Variants in RNFT2 observed in about 807,000 individuals in gnomAD.
RNFT2 encodes E3 ubiquitin-protein ligase RNFT2.
A neutral mutation model predicts 53.0 loss-of-function variants in RNFT2; 36 were observed. The observed-to-expected ratio is 0.68, with a 90% CI of 0.52 to 0.90. The LOEUF is 0.90. Ranked by LOEUF, RNFT2 falls within the 40% of genes least tolerant of loss-of-function variation. RNFT2 has a pLI of 0.00. For synonymous variants in RNFT2, 260 were observed against 253.2 expected (o/e 1.03, Z -0.26); for missense variants, 514 against 585.6 (o/e 0.88, Z 1.26).
chr12:116,820,997 C>T (rs1296556891), intron 7 of RNFT2, among the ~76,000 whole-genome samples: 1 of 152,068 alleles, frequency 6.6e-6, no homozygotes, highest in African/African-American at 2.4e-5. Context: ...TGTGTTTGAG[C>T]TTTCTCATCT....
Position 116,849,664 on chromosome 12 carries a change from A to T in RNFT2, c.*216A>T. ...AGTGCGTGCCTCCTTCCCCTGCAAA[A>T]GGGGACGTCTTCCTAACTCAGACTT... On this transcript the variant is annotated 3_prime_UTR_variant, in exon 11 of 11. Transcript: ENST00000257575. The T allele has an allele frequency of 7.8e-7, 1 of 1,273,890 alleles. No individual in the cohort carries two copies. Among genetic ancestry groups the T allele is most frequent in the South Asian group, 3.1e-5 (1 of 32,038 alleles). The allele number at this position is 1,273,890 out of a possible 1,614,324, so 78.9% of individuals were successfully genotyped here.
At chr12:116,821,643 G>A (rs567223665) in intron 7 of RNFT2, among the ~76,000 whole-genome samples, 2 of 152,288 alleles carry the variant, frequency 1.3e-5, no homozygotes, top group African/African-American at 4.8e-5. Flanking sequence ...AGTCTCGCAG[G>A]AGGCTGAGGG....
chr12:116,825,096 T>A (rs974868655), intron 7 of RNFT2, among the ~76,000 whole-genome samples: 1 of 152,204 alleles, frequency 6.6e-6, no homozygotes, highest in African/African-American at 2.4e-5. Flanking sequence ...ATGCGTCAGC[T>A]GCAATGGCAG....
At chr12:116,828,343 G>A (rs1258959387) in intron 7 of RNFT2, among the ~76,000 whole-genome samples, 1 of 152,176 alleles carries the variant, frequency 6.6e-6, no homozygotes, top group Non-Finnish European at 1.5e-5. Context: ...TTTCTAACCA[G>A]CTCCCAGGCG....
At chr12:116,740,600 C>A in intron 2 of RNFT2, 79 bp downstream of exon 2, 1 of 1,249,062 alleles carries the variant, frequency 8.0e-7, no homozygotes, top group Non-Finnish European at 1.1e-6. Context: ...TTTGGTTTGA[C>A]CACTCCACCC....
At position 116,743,226 on chromosome 12, in the gene RNFT2, AAAAAAAAAAAAAAAAAAAC is replaced by A. The variant is rs1365027865; in HGVS notation, c.83+2133_83+2151del. Among the ~76,000 whole-genome samples, 48 of 116,080 alleles carry A rather than the reference AAAAAAAAAAAAAAAAAAAC, an allele frequency of 4.1e-4. 1 individual carries two copies. Among genetic ancestry groups the A allele is most frequent in the Non-Finnish European group, 5.6e-4 (32 of 56,712 alleles). 76.2% of individuals were successfully genotyped at this position (116,080 alleles called of 152,430 possible). A position where few individuals can be genotyped will look rare whatever the true frequency, so the allele number is the denominator to read the frequency against. On this transcript the variant is annotated intron_variant, in intron 3 of 10. Transcript: ENST00000257575. Reference sequence around the variant, plus strand: ...CCAGGTAGAATCTAAAAAAAAAAAAAAAAAAAAAAAAAAAAAAACCGGTTAAAAAACACTCATGAGCTAG... The same window carrying A: ...CCAGGTAGAATCTAAAAAAAAAAAAACGGTTAAAAAACACTCATGAGCTAG...
rs1385115495 is a variant in RNFT2 at position 116,753,365 on chromosome 12, GGT to G, written c.551-618_551-617del. Among the ~76,000 whole-genome samples, 3 of 151,862 alleles carry G rather than the reference GGT, an allele frequency of 2.0e-5. No homozygotes were observed. In the East Asian group the frequency reaches 5.8e-4, roughly 29 times the overall value. On this transcript the variant is annotated intron_variant, in intron 4 of 10. Transcript: ENST00000257575. Reference sequence around the variant, plus strand: ...GTGATTTCACCATGTTGGCCAGGCTGGTCTCAAACTCCTGGCCTCAAGTGATC... The same window carrying G: ...GTGATTTCACCATGTTGGCCAGGCTGCTCAAACTCCTGGCCTCAAGTGATC...
At position 116,849,360 on chromosome 12, in the gene RNFT2, G is replaced by A. The variant is rs571206253; in HGVS notation, c.1247G>A (p.Arg416His). ...ECLCLWLDRE[R>H]TCPLCRSVAV... ...CTCTGCCTGTGGCTGGACCGTGAGCGCACCTGCCCGCTCTGCCGCTCGGTC... is the reference window on the plus strand; with the variant it reads ...CTCTGCCTGTGGCTGGACCGTGAGCACACCTGCCCGCTCTGCCGCTCGGTC... The change falls in exon 11 of 11, where the codon CGC (arginine) becomes CAC (histidine). Residue 416 changes from arginine to histidine, a missense_variant. Arg to His is a conservative substitution (Grantham distance 29, BLOSUM62 0). Transcript: ENST00000257575. The A allele has an allele frequency of 1.6e-5, 25 of 1,547,368 alleles. No individual in the cohort carries two copies. The South Asian group carries it at 2.1e-4, about 13-fold the overall frequency.
chr12:116,851,874 T>C lies in RNFT2; in HGVS notation c.*2426T>C. ...CTTTATGTCTTTCTCCTCTTCCTATTCTGTCATCTCCCTCACTTAAGTCTC... is the reference window on the plus strand; with the variant it reads ...CTTTATGTCTTTCTCCTCTTCCTATCCTGTCATCTCCCTCACTTAAGTCTC... On this transcript the variant is annotated 3_prime_UTR_variant, in exon 11 of 11. Transcript: ENST00000257575. 2 of 1,533,978 alleles carry C rather than the reference T, an allele frequency of 1.3e-6. No individual in the cohort carries two copies. The highest frequency in any genetic ancestry group is 1.7e-6 in the Non-Finnish European group (2 of 1,144,654).
chr12:116,787,950 G>A (rs1025446906), intron 7 of RNFT2, among the ~76,000 whole-genome samples: 2 of 152,056 alleles, frequency 1.3e-5, no homozygotes, highest in African/African-American at 4.8e-5. Flanking sequence ...GTTTTGAGAT[G>A]GAGTGTCGCT....
At chr12:116,767,956 T>C (rs891178665) in intron 6 of RNFT2, among the ~76,000 whole-genome samples, 2 of 152,208 alleles carry the variant, frequency 1.3e-5, no homozygotes, top group East Asian at 1.9e-4. Flanking sequence ...ACTAACCACA[T>C]TTCAAGTGTT....
chr12:116,824,624 G>C (rs1272407445), intron 7 of RNFT2, among the ~76,000 whole-genome samples: 1 of 152,162 alleles, frequency 6.6e-6, no homozygotes, highest in African/African-American at 2.4e-5. Context: ...GAAGAATAAG[G>C]TGAAAGCTTC....
intron 7 of RNFT2, among the ~76,000 whole-genome samples, chr12:116,781,860 T>C (rs531716296): frequency 6.6e-6 from 1 of 152,038 alleles, no homozygotes; most frequent in Non-Finnish European, 1.5e-5. Flanking sequence ...GTGGACTGCC[T>C]GAGCTCAGCA....
At chr12:116,788,931 G>A (rs1442381562) in intron 7 of RNFT2, among the ~76,000 whole-genome samples, 1 of 141,988 alleles carries the variant, frequency 7.0e-6, no homozygotes, top group Non-Finnish European at 1.5e-5. Flanking sequence ...TGGATGGATG[G>A]ATGGATAGAT....
At chr12:116,750,891 AATATATATATATATATATTT>A (rs1566069566) in intron 4 of RNFT2, among the ~76,000 whole-genome samples, 14 of 2,102 alleles carry the variant, frequency 6.7e-3, no homozygotes, top group Admixed American at 0.03. Context: ...TTATATATAT[AATATATATATATATATATTT>A]TTTTTTGAGA....
intron 7 of RNFT2, among the ~76,000 whole-genome samples, chr12:116,808,009 C>A (rs1227708051): frequency 6.6e-6 from 1 of 152,144 alleles, no homozygotes. Flanking sequence ...GCTCTTGTTG[C>A]CCAGGCTGGA....
At chr12:116,794,460 T>C (rs1338710867) in intron 7 of RNFT2, among the ~76,000 whole-genome samples, 1 of 150,880 alleles carries the variant, frequency 6.6e-6, no homozygotes, top group Non-Finnish European at 1.5e-5. Flanking sequence ...TAGTCAGGTG[T>C]GGTGGTGCAC....
chr12:116,760,356 T>G (rs773169806), intron 5 of RNFT2, among the ~76,000 whole-genome samples: 1 of 152,168 alleles, frequency 6.6e-6, no homozygotes, highest in Non-Finnish European at 1.5e-5. Context: ...CCCTGAGTTC[T>G]GGCCAGGAGG....
chr12:116,763,311 AACCACAATGCAGTACC>A (rs1201806557), intron 5 of RNFT2, among the ~76,000 whole-genome samples: 3 of 152,326 alleles, frequency 2.0e-5, no homozygotes, highest in Admixed American at 1.3e-4. Flanking sequence ...TGCAAATCAA[AACCACAATGCAGTACC>A]ACCTTACTCC....
Sources: allele counts gnomAD v4.1 joint callset (sites outside exome capture counted in the v4.1 genomes callset), GRCh38; gene constraint gnomAD v4.1.1; transcripts MANE v1.5; gene names NCBI Gene and HGNC (gene_info 2026-07-23, HGNC 2026-07-21).